RSPH14: variants seen among roughly 807,000 people sequenced by gnomAD.
The protein encoded by RSPH14 is rhabdoid tumor deletion region gene 1.
A neutral mutation model predicts 26.7 loss-of-function variants in RSPH14; 20 were observed. The ratio of observed to expected loss-of-function variants is 0.75; its 90% CI spans 0.53 to 1.09. The LOEUF (loss-of-function observed/expected upper bound fraction) is 1.09, where lower values mean the gene tolerates loss of function less well. RSPH14 is among the 50% of genes least tolerant of loss of function. The pLI, the probability that RSPH14 is intolerant of heterozygous loss-of-function variation, is 0.00. For missense variants in RSPH14, 449 were observed against 457.2 expected, an observed-to-expected ratio of 0.98 and a Z score of 0.16; for synonymous variants, 177 against 189.3, an observed-to-expected ratio of 0.93 and a Z score of 0.53.
upstream of RSPH14, among the ~76,000 whole-genome samples, chr22:23,147,432 C>G (rs1277349817): frequency 6.6e-6 from 1 of 152,038 alleles, no homozygotes; most frequent in Non-Finnish European, 1.5e-5. Flanking sequence ...TGGGCTGAAG[C>G]AATCCTTCTG....
upstream of RSPH14, chr22:23,145,232 G>A (rs1326062525): frequency 4.6e-6 from 4 of 865,604 alleles, no homozygotes; most frequent in Non-Finnish European, 7.1e-6. Context: ...TCCGCCCCCG[G>A]GCCTCCATAG....
intron 4 of RSPH14, chr22:23,123,462 G>T (rs1377921307): frequency 1.4e-6 from 2 of 1,471,316 alleles, no homozygotes; most frequent in South Asian, 1.2e-5. Flanking sequence ...CCTGCCTATG[G>T]TGAAACCCAC....
At chr22:23,146,744 C>A, upstream of RSPH14, 2 of 1,589,242 alleles carry the variant, frequency 1.3e-6, no homozygotes, top group Non-Finnish European at 1.7e-6. Context: ...CAGCTCTCCC[C>A]ACTCTACACT....
At chr22:23,115,466 C>A (rs1179651739) in intron 4 of RSPH14, among the ~76,000 whole-genome samples, 1 of 152,132 alleles carries the variant, frequency 6.6e-6, no homozygotes, top group African/African-American at 2.4e-5. Context: ...GGACTGCCTA[C>A]CTGCTGGGAG....
At chr22:23,113,929 C>A (rs2146371363) in intron 4 of RSPH14, among the ~76,000 whole-genome samples, 1 of 152,362 alleles carries the variant, frequency 6.6e-6, no homozygotes, top group Middle Eastern at 3.4e-3. Context: ...CAGCAGTGCC[C>A]CATGTCCCTC....
At chr22:23,073,034 T>C (rs891379490) in intron 4 of RSPH14, among the ~76,000 whole-genome samples, 3 of 152,236 alleles carry the variant, frequency 2.0e-5, no homozygotes, top group African/African-American at 4.8e-5. Flanking sequence ...AATTTAGTCA[T>C]CTTGTGTGTG....
chr22:23,171,855 CAA>C, the RSPH14 span, among the ~76,000 whole-genome samples: 3 of 25,052 alleles, frequency 1.2e-4, no homozygotes, highest in South Asian at 1.3e-3. Context: ...AAAAAAAAAA[CAA>C]AAAAAAAAAA....
At chr22:23,152,388 A>G in the RSPH14 span, 2 of 1,487,806 alleles carry the variant, frequency 1.3e-6, no homozygotes, top group Non-Finnish European at 1.9e-6. Flanking sequence ...AGCTCAGGGA[A>G]GGAAGGGGCT....
At chr22:23,138,579 AAG>A (rs995339730) in intron 3 of RSPH14, among the ~76,000 whole-genome samples, 3 of 150,818 alleles carry the variant, frequency 2.0e-5, no homozygotes, top group Admixed American at 6.6e-5. Flanking sequence ...AAAGAAAAGA[AAG>A]AGAGAGAGAG....
chr22:23,128,787 T>TGTA (rs2146420481), intron 4 of RSPH14, among the ~76,000 whole-genome samples: 1 of 152,356 alleles, frequency 6.6e-6, no homozygotes, highest in African/African-American at 2.4e-5. Flanking sequence ...GTAAGTGAAC[T>TGTA]GTAGCAAGAA....
intron 4 of RSPH14, among the ~76,000 whole-genome samples, chr22:23,128,391 G>C (rs1233871248): frequency 6.6e-6 from 1 of 152,214 alleles, no homozygotes; most frequent in East Asian, 1.9e-4. Context: ...GCATCACTCA[G>C]GGCCCAGCTG....
Position 23,061,800 on chromosome 22 carries a change from C to A in RSPH14, c.790+9G>T, listed in dbSNP as rs1212553945. 9.9e-6 allele frequency: 16 copies of A among 1,613,730 alleles called. No homozygotes were observed. Among genetic ancestry groups the A allele is most frequent in the Non-Finnish European group, 1.3e-5 (15 of 1,179,992 alleles). The stretch of plus-strand genomic sequence containing the variant: ...GTCTCCCTCCCTGCGGCACCCCCCA[C>A]CGCCTCACCTTCAGTGATCACTGTG... On this transcript the variant is annotated intron_variant, in intron 6 of 6. Coordinates refer to ENST00000216036, the MANE Select transcript of RSPH14 (RefSeq NM_014433.3).
the RSPH14 span, among the ~76,000 whole-genome samples, chr22:23,178,646 G>A: frequency 1.3e-4 from 20 of 152,310 alleles, 1 homozygote; most frequent in Admixed American, 1.0e-3. Context: ...GCTGCGCACC[G>A]CCCACCCAGC....
the RSPH14 span, among the ~76,000 whole-genome samples, chr22:23,151,211 T>C: frequency 1.3e-5 from 2 of 152,132 alleles, no homozygotes; most frequent in Non-Finnish European, 2.9e-5. Context: ...GGTGGTGGGA[T>C]GAGAGTAATG....
At chr22:23,157,252 AG>A in the RSPH14 span, among the ~76,000 whole-genome samples, 2 of 114,408 alleles carry the variant, frequency 1.7e-5, no homozygotes, top group East Asian at 6.0e-4. Context: ...CTGGACTAAC[AG>A]GTTTTTTTTT....
intron 4 of RSPH14, among the ~76,000 whole-genome samples, chr22:23,083,040 G>A (rs2068723894): frequency 6.6e-6 from 1 of 152,150 alleles, no homozygotes. Context: ...AGGCTCCAGG[G>A]AAGTTGGGAG....
rs908857536 is a variant in RSPH14, at chr22:23,071,798, G to A, written c.422-7665C>T. On this transcript the variant is annotated intron_variant, in intron 4 of 6. Coordinates refer to ENST00000216036, the MANE Select transcript of RSPH14 (RefSeq NM_014433.3). This position sits in a 1 kb window ranked among gnomAD's most constrained non-coding sequence, Gnocchi z 4.1. The stretch of plus-strand genomic sequence containing the variant: ...CATGACATTTGAACTGGAGCTTGAA[G>A]GACATGGGCACAGCTAAGCTGGGCA... 6.6e-6 allele frequency among the ~76,000 whole-genome samples: 1 copy of A among 152,228 alleles called. No homozygotes were observed. Among genetic ancestry groups the A allele is most frequent in the African/African-American group, 2.4e-5 (1 of 41,460 alleles).
At chr22:23,151,828 A>G in the RSPH14 span, among the ~76,000 whole-genome samples, 1 of 152,178 alleles carries the variant, frequency 6.6e-6, no homozygotes, top group Non-Finnish European at 1.5e-5. Flanking sequence ...AGAGCCCAAG[A>G]ACCTCAGAGC....
intron 4 of RSPH14, chr22:23,095,598 C>T: frequency 7.3e-7 from 1 of 1,371,772 alleles, no homozygotes; most frequent in Non-Finnish European, 9.8e-7. Flanking sequence ...GCCTCCAGGG[C>T]AGCTGGGCTC....
Sources: allele counts gnomAD v4.1 joint callset (sites outside exome capture counted in the v4.1 genomes callset), GRCh38; gene constraint gnomAD v4.1.1; non-coding constraint Gnocchi (gnomAD v3.1); transcripts MANE v1.5; gene names NCBI Gene and HGNC (gene_info 2026-07-23, HGNC 2026-07-21).